LYPD2: variants seen among roughly 807,000 people sequenced by gnomAD.
LYPD2 encodes LY6/PLAUR domain containing 2, also known as ly6/PLAUR domain-containing protein 2.
In LYPD2, 5 loss-of-function variants were observed where a neutral mutation model predicts 7.1. The observed-to-expected ratio is 0.70, with a 90% CI of 0.37 to 1.48. LYPD2 has a LOEUF of 1.48. Ranked by LOEUF, LYPD2 falls within the 40% of genes most tolerant of loss-of-function variation. The pLI is 0.03. For missense variants in LYPD2, 177 were observed against 171.0 expected, an observed-to-expected ratio of 1.04 and a Z score of -0.20; for synonymous variants, 78 against 82.0, an observed-to-expected ratio of 0.95 and a Z score of 0.26.
At chr8:142,752,281 TG>T in intron 1 of LYPD2, 112 bp downstream of exon 1, 1 of 1,238,434 alleles carries the variant, frequency 8.1e-7, no homozygotes, top group Non-Finnish European at 1.2e-6. Context: ...CCCACAGCTC[TG>T]GCTTCTCCTG....
rs781371822 is a variant in LYPD2 at position 142,750,327 on chromosome 8, A to T, written c.334T>A (p.Cys112Ser). ...DGAPALNSLHCGALTLLPLLS... is the reference protein window; with the variant it reads ...DGAPALNSLHSGALTLLPLLS... ...AGTGGGAGGAGCGTGAGGGCCCCGC[A>T]GTGGAGGCTGTTCAGAGCGGGCGCC... Residue 112 changes from cysteine (C) to serine (S), a missense_variant, in exon 3 of 3, where the codon TGC (cysteine) becomes AGC (serine). Coordinates refer to ENST00000359228, the MANE Select transcript of LYPD2 (RefSeq NM_205545.3). The T allele has an allele frequency of 6.4e-7, 1 of 1,555,186 alleles. No individual in the cohort carries two copies. Among genetic ancestry groups the T allele is most frequent in the Non-Finnish European group, 8.7e-7 (1 of 1,149,422 alleles).
intron 1 of LYPD2, 93 bp from the exon 2 acceptor site, chr8:142,751,263 T>C (rs1271685021): frequency 3.3e-6 from 5 of 1,533,850 alleles, no homozygotes. Context: ...AAGAGGACAG[T>C]GACACTGGCC....
chr8:142,752,262 A>G, intron 1 of LYPD2, 132 bp downstream of exon 1: 1 of 854,904 alleles, frequency 1.2e-6, no homozygotes, highest in Non-Finnish European at 1.7e-6. Context: ...GGGGGGCCAC[A>G]CCCCCGGCCC....
chr8:142,750,923 T>C (rs1433450088), intron 2 of LYPD2, 128 bp downstream of exon 2: 21 of 1,516,270 alleles, frequency 1.4e-5, no homozygotes, highest in Non-Finnish European at 1.9e-5. Context: ...TGGAGGTGGC[T>C]CTGACCGGGA....
intron 1 of LYPD2, among the ~76,000 whole-genome samples, chr8:142,751,548 TCA>T (rs1814715361): frequency 6.6e-6 from 1 of 152,136 alleles, no homozygotes; most frequent in Non-Finnish European, 1.5e-5. Context: ...GGTTACCCCC[TCA>T]GTTTCCCCAT....
At chr8:142,750,804 G>A (rs1814693428) in intron 2 of LYPD2, among the ~76,000 whole-genome samples, 1 of 152,384 alleles carries the variant, frequency 6.6e-6, no homozygotes, top group African/African-American at 2.4e-5. Flanking sequence ...AGGGAGAGAG[G>A]AAGGAAGGGG....
intron 2 of LYPD2, 64 bp from the exon 3 acceptor site, chr8:142,750,546 C>T: frequency 1.3e-6 from 2 of 1,482,610 alleles, no homozygotes; most frequent in South Asian, 2.4e-5. Flanking sequence ...TGGTCCCTGC[C>T]AGTACCACCT....
At chr8:142,750,695 C>T (rs587770610) in intron 2 of LYPD2, among the ~76,000 whole-genome samples, 7 of 152,348 alleles carry the variant, frequency 4.6e-5, no homozygotes, top group East Asian at 3.9e-4. Context: ...GGGCAGTTCC[C>T]GCCCCGAGGT....
rs1563829269 is a variant in LYPD2, at chr8:142,752,474, CTCTCACCCCAGGCT to C, written c.-37_-24del. On this transcript the variant is annotated 5_prime_UTR_variant, in exon 1 of 3. Coordinates refer to ENST00000359228, the MANE Select transcript of LYPD2 (RefSeq NM_205545.3). ...CATGGTCCCGGCCCACTCCTCTGTG[CTCTCACCCCAGGCT>C]TGCCTGGCGGGGACAGCAGACACCA... 1.9e-6 allele frequency: 3 copies of C among 1,612,442 alleles called. No individual in the cohort carries two copies. In the African/African-American group the frequency reaches 4.0e-5, roughly 22 times the overall value.
Position 142,752,521 on chromosome 8 carries a change from T to TGGC in LYPD2, c.-73_-71dup. ...CGGGGACAGCAGACACCAAGTGAGG[T>TGGC]GGCGACAGACTGGTCTGCTGAGCGG... On this transcript the variant is annotated 5_prime_UTR_variant, in exon 1 of 3. Transcript: ENST00000359228. 1 of 1,575,954 alleles carries TGGC rather than the reference T, an allele frequency of 6.3e-7. No individual in the cohort carries two copies. Among genetic ancestry groups the TGGC allele is most frequent in the Non-Finnish European group, 8.7e-7 (1 of 1,152,030 alleles).
chr8:142,750,511 AG>A, intron 2 of LYPD2, 29 bp from the exon 3 acceptor site: 1 of 1,555,008 alleles, frequency 6.4e-7, no homozygotes, highest in Non-Finnish European at 8.7e-7. Flanking sequence ...GTCAGCCGTC[AG>A]GGCTGGTCAC....
intron 2 of LYPD2, among the ~76,000 whole-genome samples, 194 bp downstream of exon 2, chr8:142,750,857 A>G (rs1587595182): frequency 6.6e-6 from 1 of 152,154 alleles, no homozygotes; most frequent in East Asian, 1.9e-4. Context: ...CCATTTCTGG[A>G]GATGGGTGAG....
chr8:142,750,246 G>T lies in LYPD2; in HGVS notation c.*37C>A, dbSNP rs587762121. ...GGGGCACTTCTTCAAGGCATTCGGG[G>T]CTGGGCCGCATAGGGCCATGGGGGT... On this transcript the variant is annotated 3_prime_UTR_variant, in exon 3 of 3. Transcript: ENST00000359228. 9.8e-6 allele frequency: 15 copies of T among 1,534,080 alleles called. No homozygotes were observed. The highest frequency in any genetic ancestry group is 1.3e-5 in the Non-Finnish European group (15 of 1,134,620).
At chr8:142,751,853 C>A (rs587715481) in intron 1 of LYPD2, among the ~76,000 whole-genome samples, 1 of 152,166 alleles carries the variant, frequency 6.6e-6, no homozygotes, top group Non-Finnish European at 1.5e-5. Context: ...GGGCCTCTGC[C>A]CCTCTCTGGT....
intron 1 of LYPD2, 25 bp downstream of exon 1, chr8:142,752,368 GC>G: frequency 6.2e-7 from 1 of 1,613,008 alleles, no homozygotes; most frequent in African/African-American, 1.3e-5. Flanking sequence ...CTCCGTCCCA[GC>G]TCCCCTGTGG....
intron 1 of LYPD2, 32 bp downstream of exon 1, chr8:142,752,362 G>A (rs201134343): frequency 2.6e-5 from 42 of 1,612,378 alleles, no homozygotes; most frequent in Admixed American, 3.3e-5. Flanking sequence ...ATCTCCCTCC[G>A]TCCCAGCTCC....
rs1246580367 is a variant in LYPD2 at position 142,750,688 on chromosome 8, C to A, written c.179-206G>T. On this transcript the variant is annotated intron_variant, in intron 2 of 2. Coordinates refer to ENST00000359228, the MANE Select transcript of LYPD2 (RefSeq NM_205545.3). ...GTGCCAGGCACCCGGCCTGATGGGG[C>A]AGTTCCCGCCCCGAGGTGACTGTTG... Among the ~76,000 whole-genome samples, 7 of 152,260 alleles carry A rather than the reference C, an allele frequency of 4.6e-5. No homozygotes were observed. In the East Asian group the frequency reaches 1.3e-3, roughly 29 times the overall value.
chr8:142,751,064 G>T lies in LYPD2; in HGVS notation c.165C>A (p.Tyr55Ter), dbSNP rs774853823. 1.9e-6 allele frequency: 3 copies of T among 1,614,210 alleles called. No homozygotes were observed. Among genetic ancestry groups the T allele is most frequent in the South Asian group, 2.2e-5 (2 of 91,080 alleles). Residue 55 changes from tyrosine to a stop codon, truncating the protein, a stop_gained, in exon 2 of 3, where the codon TAC becomes TAA. Transcript: ENST00000359228. LOFTEE classifies it low-confidence loss of function (END_TRUNC). ...GTGCCCACTGACCTATCTCCCGGGA[G>T]TAGAGTGTGGTCTTGCACATGGTTT... ...TNETMCKTTL[Y>*]SREIVYPFQG...
chr8:142,752,225 C>T lies in LYPD2; in HGVS notation c.58+169G>A, dbSNP rs188929550. Among the ~76,000 whole-genome samples, 368 of 152,208 alleles carry T rather than the reference C, an allele frequency of 2.4e-3. 1 individual carries two copies. The highest frequency in any genetic ancestry group is 3.8e-3 in the Non-Finnish European group (255 of 67,984). On this transcript the variant is annotated intron_variant, in intron 1 of 2. Coordinates refer to ENST00000359228, the MANE Select transcript of LYPD2 (RefSeq NM_205545.3). ...CCCCCTCACCGCCAGCCCCTCTCTCCGTTTCCACCCTCCCCTCCTTATGGC... is the reference window on the plus strand; with the variant it reads ...CCCCCTCACCGCCAGCCCCTCTCTCTGTTTCCACCCTCCCCTCCTTATGGC...
Sources: allele counts gnomAD v4.1 joint callset (sites outside exome capture counted in the v4.1 genomes callset), GRCh38; gene constraint gnomAD v4.1.1; transcripts MANE v1.5; gene names NCBI Gene and HGNC (gene_info 2026-07-23, HGNC 2026-07-21).